The following ANKRD13C variants were observed in gnomAD, a reference collection of about 807,000 sequenced individuals.
The protein encoded by ANKRD13C is ankyrin repeat domain 13C.
A neutral mutation model predicts 65.5 loss-of-function variants in ANKRD13C; 16 were observed. That is an observed-to-expected ratio of 0.24 (90% CI 0.17 to 0.37). ANKRD13C has a LOEUF of 0.37. Ranked by LOEUF, ANKRD13C falls within the 10% of genes least tolerant of loss-of-function variation. The pLI is 1.00. For synonymous variants in ANKRD13C, 235 were observed against 238.7 expected (o/e 0.98, Z 0.14); for missense variants, 503 against 655.9 (o/e 0.77, Z 2.55).
intron 2 of ANKRD13C, among the ~76,000 whole-genome samples, chr1:70,326,798 C>T (rs1681564507): frequency 6.6e-6 from 1 of 151,274 alleles, no homozygotes; most frequent in South Asian, 2.1e-4. Flanking sequence ...TACAGAGAAG[C>T]CAGCTTGAAT....
intron 5 of ANKRD13C, among the ~76,000 whole-genome samples, chr1:70,309,570 C>CA (rs1184707540): frequency 6.7e-6 from 1 of 149,408 alleles, no homozygotes; most frequent in Non-Finnish European, 1.5e-5. Flanking sequence ...AAAGAAAATA[C>CA]AAAAAATTAG....
At chr1:70,265,625 C>T (rs1166881611) in intron 12 of ANKRD13C, among the ~76,000 whole-genome samples, 1 of 151,402 alleles carries the variant, frequency 6.6e-6, no homozygotes, top group African/African-American at 2.4e-5. Flanking sequence ...AGTTTGAGAC[C>T]AGCCCGGGCA....
At chr1:70,272,483 C>G (rs1678934831) in intron 11 of ANKRD13C, among the ~76,000 whole-genome samples, 1 of 152,082 alleles carries the variant, frequency 6.6e-6, no homozygotes, top group East Asian at 1.9e-4. Context: ...GCCTCCCAAA[C>G]TGCCAGGATA....
chr1:70,300,979 A>C (rs750058178), intron 6 of ANKRD13C, 71 bp from the exon 7 acceptor site: 185 of 1,501,932 alleles, frequency 1.2e-4, no homozygotes, highest in Non-Finnish European at 1.6e-4. Context: ...TAATTAAATA[A>C]GCTGTTCCTT....
intron 2 of ANKRD13C, among the ~76,000 whole-genome samples, chr1:70,332,087 G>A (rs2101575239): frequency 6.6e-6 from 1 of 152,242 alleles, no homozygotes; most frequent in South Asian, 2.1e-4. Context: ...AAAGGATTCA[G>A]AAACAACAAA....
At chr1:70,326,355 C>T (rs1042712763) in intron 2 of ANKRD13C, among the ~76,000 whole-genome samples, 3 of 146,802 alleles carry the variant, frequency 2.0e-5, no homozygotes, top group South Asian at 2.2e-4. Context: ...AGGTACTAGA[C>T]AAGGTATTGC....
chr1:70,335,743 TATA>T (rs1336483168), intron 2 of ANKRD13C, among the ~76,000 whole-genome samples: 1 of 150,222 alleles, frequency 6.7e-6, no homozygotes, highest in African/African-American at 2.4e-5. Flanking sequence ...ATATGAAAAG[TATA>T]ATAATAAATC....
intron 12 of ANKRD13C, among the ~76,000 whole-genome samples, chr1:70,268,867 T>G (rs972381155): frequency 6.6e-6 from 1 of 152,102 alleles, no homozygotes; most frequent in Non-Finnish European, 1.5e-5. Flanking sequence ...TTCCAAAATT[T>G]TTTTTTGATT....
intron 3 of ANKRD13C, among the ~76,000 whole-genome samples, chr1:70,317,223 T>C (rs994566154): frequency 6.6e-6 from 1 of 152,186 alleles, no homozygotes; most frequent in African/African-American, 2.4e-5. Flanking sequence ...TGAAGGTGTC[T>C]CAAAATAATC....
At chr1:70,280,166 A>G (rs1449885239) in intron 9 of ANKRD13C, among the ~76,000 whole-genome samples, 1 of 152,176 alleles carries the variant, frequency 6.6e-6, no homozygotes, top group Non-Finnish European at 1.5e-5. Flanking sequence ...GCTTATCAAG[A>G]GACACAAAAA....
intron 2 of ANKRD13C, among the ~76,000 whole-genome samples, chr1:70,331,218 G>T (rs1450422727): frequency 6.6e-6 from 1 of 152,110 alleles, no homozygotes; most frequent in Non-Finnish European, 1.5e-5. Context: ...AGATAAAAGA[G>T]AATAGACTAT....
At chr1:70,265,824 CAAAAAAA>C (rs775757290) in intron 12 of ANKRD13C, among the ~76,000 whole-genome samples, 29 of 35,418 alleles carry the variant, frequency 8.2e-4, no homozygotes, top group East Asian at 1.7e-3. Context: ...GACCTTGCCT[CAAAAAAA>C]AAAAAAAAAA....
chr1:70,269,184 A>G (rs1442011283), intron 12 of ANKRD13C, among the ~76,000 whole-genome samples: 1 of 152,182 alleles, frequency 6.6e-6, no homozygotes, highest in African/African-American at 2.4e-5. Flanking sequence ...AACAAAAGAG[A>G]AATAGTTAAA....
intron 8 of ANKRD13C, 106 bp from the exon 9 acceptor site, chr1:70,292,655 C>T (rs947913131): frequency 1.3e-6 from 1 of 788,642 alleles, no homozygotes; most frequent in Admixed American, 3.3e-5. Context: ...AATAAATATT[C>T]CTTTGGTACT....
At chr1:70,328,300 C>T (rs1001162779) in intron 2 of ANKRD13C, among the ~76,000 whole-genome samples, 3 of 151,972 alleles carry the variant, frequency 2.0e-5, no homozygotes, top group African/African-American at 4.8e-5. Context: ...GGAATGTTCA[C>T]GGTGTACTGC....
At position 70,328,930 on chromosome 1, in the gene ANKRD13C, T is replaced by C. The variant is rs539149036; in HGVS notation, c.473-3973A>G. ...ATTGGGTTTTGTAAATATGTTTGTATGTATACATGTATAGGGGAATGTAAA... is the reference window on the plus strand; with the variant it reads ...ATTGGGTTTTGTAAATATGTTTGTACGTATACATGTATAGGGGAATGTAAA... On this transcript the variant is annotated intron_variant, in intron 2 of 12. Transcript: ENST00000370944. 1.0e-3 allele frequency among the ~76,000 whole-genome samples: 152 copies of C among 152,324 alleles called. 2 individuals are homozygous for C. Among genetic ancestry groups the C allele is most frequent in the African/African-American group, 3.6e-3 (149 of 41,584 alleles).
At chr1:70,342,335 C>T (rs1682344989) in intron 1 of ANKRD13C, among the ~76,000 whole-genome samples, 2 of 151,938 alleles carry the variant, frequency 1.3e-5, no homozygotes, top group African/African-American at 4.8e-5. Flanking sequence ...GTCAGGAGTT[C>T]GAGATCAGCC....
At chr1:70,334,484 G>A (rs768454303) in intron 2 of ANKRD13C, among the ~76,000 whole-genome samples, 10 of 150,826 alleles carry the variant, frequency 6.6e-5, no homozygotes, top group African/African-American at 1.5e-4. Flanking sequence ...AAAATTAGCC[G>A]GGCATGGTGG....
intron 11 of ANKRD13C, among the ~76,000 whole-genome samples, chr1:70,272,586 T>C (rs933130306): frequency 2.6e-5 from 4 of 151,972 alleles, no homozygotes; most frequent in Non-Finnish European, 4.4e-5. Flanking sequence ...TCTAAGATAT[T>C]CTTTTTTTTT....
Sources: gnomAD v4.1 joint callset for allele counts (sites outside exome capture counted in the v4.1 genomes callset) on GRCh38, gnomAD v4.1.1 for gene constraint, MANE v1.5 for transcripts, NCBI Gene and HGNC (gene_info 2026-07-23, HGNC 2026-07-21) for gene names.